PRKN: variants seen among roughly 807,000 people sequenced by gnomAD.
The protein encoded by PRKN is E3 ubiquitin-protein ligase parkin.
A neutral mutation model predicts 59.5 loss-of-function variants in PRKN; 56 were observed. The ratio of observed to expected loss-of-function variants is 0.94; its 90% CI spans 0.76 to 1.18. The LOEUF (loss-of-function observed/expected upper bound fraction) is 1.18, where lower values mean the gene tolerates loss of function less well. PRKN is among the 50% of genes most tolerant of loss of function. The pLI, the probability that PRKN is intolerant of heterozygous loss-of-function variation, is 0.00. For synonymous variants in PRKN, 250 were observed against 222.1 expected (o/e 1.13, Z -1.12); for missense variants, 657 against 596.4 (o/e 1.10, Z -1.06).
intron 2 of PRKN, among the ~76,000 whole-genome samples, chr6:162,413,039 A>G (rs956329737): frequency 2.0e-5 from 3 of 152,182 alleles, no homozygotes; most frequent in African/African-American, 7.2e-5. Context: ...ACATGAAAAT[A>G]ATTTCTGGAA....
At chr6:162,484,357 G>A (rs1792448319) in intron 1 of PRKN, among the ~76,000 whole-genome samples, 1 of 152,164 alleles carries the variant, frequency 6.6e-6, no homozygotes, top group South Asian at 2.1e-4. Flanking sequence ...TAGCAAAACA[G>A]GGGGTCTCCG....
chr6:161,773,044 G>T (rs34570278), intron 7 of PRKN, among the ~76,000 whole-genome samples: 4 of 152,144 alleles, frequency 2.6e-5, no homozygotes, highest in African/African-American at 9.7e-5. Context: ...AGCAGGGAAT[G>T]ATAATTATTA....
intron 7 of PRKN, among the ~76,000 whole-genome samples, chr6:161,729,757 T>C (rs1787594194): frequency 6.6e-6 from 1 of 152,294 alleles, no homozygotes; most frequent in Non-Finnish European, 1.5e-5. Context: ...TTTTGCTTTC[T>C]GATGTGTTAC....
chr6:161,671,751 G>A (rs1051390502), intron 7 of PRKN, among the ~76,000 whole-genome samples: 10 of 152,182 alleles, frequency 6.6e-5, no homozygotes, highest in Admixed American at 6.5e-4. Context: ...ATCATAAACT[G>A]AAAAGAGAAG....
intron 1 of PRKN, among the ~76,000 whole-genome samples, chr6:162,595,751 T>C (rs1169019803): frequency 6.6e-6 from 1 of 152,182 alleles, no homozygotes; most frequent in African/African-American, 2.4e-5. Context: ...TGAACATGTG[T>C]TCCTCTCTGA....
In PRKN at chr6:162,119,967, T is replaced by C. The variant is rs144471132; in HGVS notation, c.535-65793A>G. Among the ~76,000 whole-genome samples the C allele has an allele frequency of 3.5e-3, 528 of 152,308 alleles. 7 individuals carry two copies. Among genetic ancestry groups the C allele is most frequent in the African/African-American group, 0.012 (493 of 41,586 alleles). ...TGACTAAGAGGGGAGAAAGTTATCA[T>C]TATCTTTTTAGTTCTTCAGGCCAAA... is the stretch of plus-strand genomic sequence containing the variant. On this transcript the variant is annotated intron_variant, in intron 4 of 11. Transcript: ENST00000366898.
intron 1 of PRKN, among the ~76,000 whole-genome samples, chr6:162,445,244 C>T (rs10945833): frequency 0.45 from 68,186 of 151,610 alleles, 15,821 homozygotes; most frequent in African/African-American, 0.57. Flanking sequence ...CCTTATTTTA[C>T]AGAATAATAA....
chr6:161,944,536 C>T (rs1779710969), intron 6 of PRKN, among the ~76,000 whole-genome samples: 1 of 152,158 alleles, frequency 6.6e-6, no homozygotes. Context: ...TTCCCACCCA[C>T]TTCTGTGCTA....
intron 9 of PRKN, among the ~76,000 whole-genome samples, chr6:161,398,294 T>G (rs1481359382): frequency 6.6e-6 from 1 of 152,098 alleles, no homozygotes; most frequent in Non-Finnish European, 1.5e-5. Context: ...CCATGAGACA[T>G]GAATTGAAGG....
chr6:162,134,440 T>A (rs569241606), intron 4 of PRKN, among the ~76,000 whole-genome samples: 2 of 152,328 alleles, frequency 1.3e-5, no homozygotes, highest in East Asian at 3.9e-4. Flanking sequence ...GAAGAGAACA[T>A]CAAATATTCG....
chr6:162,710,735 AC>A (rs1166346419), intron 1 of PRKN, among the ~76,000 whole-genome samples: 1 of 152,082 alleles, frequency 6.6e-6, no homozygotes, highest in Non-Finnish European at 1.5e-5. Context: ...TAATAGCATC[AC>A]CTGTTTGATG....
At position 161,473,312 on chromosome 6, in the gene PRKN, GA is replaced by G. The variant is rs1253105087; in HGVS notation, c.1083+75541del. Among the ~76,000 whole-genome samples the G allele has an allele frequency of 6.6e-6, 1 of 151,028 alleles. No individual in the cohort carries two copies. The highest frequency in any genetic ancestry group is 1.9e-4 in the East Asian group (1 of 5,176). ...ATATTATATACATATATATTAGGGAGAGGGGAGCATTATATATATAGATACC... is the reference window on the plus strand; with the variant it reads ...ATATTATATACATATATATTAGGGAGGGGGAGCATTATATATATAGATACC... On this transcript the variant is annotated intron_variant, in intron 9 of 11. Transcript: ENST00000366898. This position sits in a 1 kb window ranked among gnomAD's most constrained non-coding sequence, Gnocchi z 4.1.
chr6:161,431,675 C>T (rs1465974576), intron 9 of PRKN, among the ~76,000 whole-genome samples: 2 of 151,472 alleles, frequency 1.3e-5, no homozygotes, highest in Admixed American at 6.6e-5. Context: ...TGCAATGGCG[C>T]GATCTTGGCT....
intron 5 of PRKN, among the ~76,000 whole-genome samples, chr6:161,985,129 G>C (rs573460762): frequency 6.6e-6 from 1 of 152,238 alleles, no homozygotes; most frequent in East Asian, 1.9e-4. Flanking sequence ...TGACTTATGC[G>C]ATGTCATCTG....
intron 6 of PRKN, among the ~76,000 whole-genome samples, chr6:161,881,082 G>A (rs1449684972): frequency 1.3e-5 from 2 of 152,108 alleles, no homozygotes; most frequent in Non-Finnish European, 2.9e-5. Context: ...TAGAAAGGAG[G>A]GCCTCACCAA....
chr6:161,456,037 C>T lies in PRKN; in HGVS notation c.1084-69160G>A, dbSNP rs574564318. On this transcript the variant is annotated intron_variant, in intron 9 of 11. Transcript: ENST00000366898. This position sits in a 1 kb window ranked among gnomAD's most constrained non-coding sequence, Gnocchi z 4.8. ...TGAAAAAATGTTTTCCTAAGGAGAA[C>T]GTTGGCCTCTAGGGGAAGCAAAGGG... is the stretch of plus-strand genomic sequence containing the variant. 2.0e-5 allele frequency among the ~76,000 whole-genome samples: 3 copies of T among 152,074 alleles called. No homozygotes were observed. The highest frequency in any genetic ancestry group is 4.1e-4 in the South Asian group (2 of 4,826).
intron 1 of PRKN, among the ~76,000 whole-genome samples, chr6:162,455,421 T>C (rs1790823328): frequency 6.6e-6 from 1 of 152,232 alleles, no homozygotes; most frequent in Admixed American, 6.5e-5. Flanking sequence ...CTAGGCTATA[T>C]GATATAGTAT....
chr6:162,504,857 G>A (rs1280071594), intron 1 of PRKN, among the ~76,000 whole-genome samples: 6 of 152,196 alleles, frequency 3.9e-5, no homozygotes, highest in Admixed American at 2.6e-4. Context: ...TTCAAAAAAA[G>A]GCCCAAGGGA....
At chr6:161,710,606 T>C (rs960282463) in intron 7 of PRKN, among the ~76,000 whole-genome samples, 5 of 152,170 alleles carry the variant, frequency 3.3e-5, no homozygotes, top group African/African-American at 7.2e-5. Context: ...GATCCAGTCT[T>C]CTGTTAGAGG....
Sources: allele counts gnomAD v4.1 joint callset (sites outside exome capture counted in the v4.1 genomes callset), GRCh38; gene constraint gnomAD v4.1.1; non-coding constraint Gnocchi (gnomAD v3.1); transcripts MANE v1.5; gene names NCBI Gene and HGNC (gene_info 2026-07-23, HGNC 2026-07-21).